MARCHF3: variants seen among roughly 807,000 people sequenced by gnomAD.
The protein encoded by MARCHF3 is E3 ubiquitin-protein ligase MARCHF3.
MARCHF3 carries 13 observed loss-of-function variants against 24.2 expected under a neutral mutation model. The ratio of observed to expected loss-of-function variants is 0.54; its 90% CI spans 0.35 to 0.85. The LOEUF is 0.85. Ranked by LOEUF, MARCHF3 falls within the 40% of genes least tolerant of loss-of-function variation. MARCHF3 has a pLI of 0.01. For synonymous variants in MARCHF3, 144 were observed against 137.3 expected, an observed-to-expected ratio of 1.05 and a Z score of -0.34; for missense variants, 276 against 325.0, an observed-to-expected ratio of 0.85 and a Z score of 1.16.
chr5:126,972,686 C>T (rs936308048), intron 1 of MARCHF3, among the ~76,000 whole-genome samples: 3 of 152,202 alleles, frequency 2.0e-5, no homozygotes, highest in Non-Finnish European at 4.4e-5. Context: ...TCTGCAGCTG[C>T]TGTCAAGAGC....
intron 1 of MARCHF3, among the ~76,000 whole-genome samples, chr5:126,995,875 C>T (rs1730426530): frequency 6.6e-6 from 1 of 152,174 alleles, no homozygotes. Context: ...GAATGGAAGG[C>T]AATGTGTGAT....
At chr5:126,934,640 T>A (rs1749583500) in intron 1 of MARCHF3, among the ~76,000 whole-genome samples, 1 of 151,356 alleles carries the variant, frequency 6.6e-6, no homozygotes, top group Admixed American at 6.6e-5. Flanking sequence ...TAAGTTGGTA[T>A]GGAGAATATT....
intron 1 of MARCHF3, among the ~76,000 whole-genome samples, chr5:126,983,084 C>G (rs889505141): frequency 2.6e-5 from 4 of 152,326 alleles, no homozygotes; most frequent in African/African-American, 9.6e-5. Flanking sequence ...CAGCTGTGCA[C>G]TCCTCTGTTG....
chr5:126,950,747 C>T (rs1190664642), intron 1 of MARCHF3, among the ~76,000 whole-genome samples: 2 of 152,184 alleles, frequency 1.3e-5, no homozygotes, highest in African/African-American at 4.8e-5. Flanking sequence ...CTCAAAAAAG[C>T]CCCTCTTTTA....
At chr5:126,917,296 G>A (rs2126794196) in intron 2 of MARCHF3, among the ~76,000 whole-genome samples, 1 of 152,312 alleles carries the variant, frequency 6.6e-6, no homozygotes, top group East Asian at 1.9e-4. Context: ...TCCAACAAGA[G>A]CACAAGAGGA....
chr5:126,911,907 A>G (rs1754545307), intron 3 of MARCHF3, among the ~76,000 whole-genome samples: 1 of 152,168 alleles, frequency 6.6e-6, no homozygotes, highest in Non-Finnish European at 1.5e-5. Context: ...TTTTTGAACA[A>G]TAACTTTTAG....
intron 1 of MARCHF3, among the ~76,000 whole-genome samples, chr5:127,023,139 G>T (rs1752866255): frequency 6.6e-6 from 1 of 152,150 alleles, no homozygotes; most frequent in South Asian, 2.1e-4. Flanking sequence ...TAAACAAAAG[G>T]AGATTTATAA....
intron 3 of MARCHF3, among the ~76,000 whole-genome samples, chr5:126,903,864 C>T (rs1754188471): frequency 1.3e-5 from 2 of 151,790 alleles, no homozygotes; most frequent in African/African-American, 2.4e-5. Flanking sequence ...GCACAATGGG[C>T]AGGTTAGTTA....
chr5:126,880,204 G>A (rs1164737839), intron 3 of MARCHF3, among the ~76,000 whole-genome samples: 1 of 152,140 alleles, frequency 6.6e-6, no homozygotes, highest in African/African-American at 2.4e-5. Context: ...ACCAAAGAAA[G>A]TTTTCTGGGA....
intron 1 of MARCHF3, among the ~76,000 whole-genome samples, chr5:127,023,094 C>T (rs1752864487): frequency 6.6e-6 from 1 of 152,142 alleles, no homozygotes; most frequent in South Asian, 2.1e-4. Context: ...GCCATCAGAC[C>T]ATGTGTTAAA....
intron 1 of MARCHF3, among the ~76,000 whole-genome samples, chr5:126,920,549 C>T (rs955943562): frequency 6.6e-6 from 1 of 152,126 alleles, no homozygotes; most frequent in Non-Finnish European, 1.5e-5. Context: ...AGTCTATTTT[C>T]GGGTTTTGCA....
intron 1 of MARCHF3, among the ~76,000 whole-genome samples, chr5:126,996,038 C>T (rs965022623): frequency 4.6e-5 from 7 of 152,198 alleles, no homozygotes; most frequent in African/African-American, 1.7e-4. Flanking sequence ...ATTTTGCACA[C>T]TTTTGAGTGC....
At chr5:126,942,615 T>C (rs1213508217) in intron 1 of MARCHF3, among the ~76,000 whole-genome samples, 2 of 152,230 alleles carry the variant, frequency 1.3e-5, no homozygotes, top group East Asian at 3.8e-4. Flanking sequence ...GGATAAGCCA[T>C]TCATATTAGA....
intron 1 of MARCHF3, among the ~76,000 whole-genome samples, chr5:126,996,306 G>A (rs564741902): frequency 2.0e-5 from 3 of 152,292 alleles, no homozygotes; most frequent in African/African-American, 7.2e-5. Context: ...CCAGTTATCT[G>A]ATTTGGCAAT....
intron 1 of MARCHF3, among the ~76,000 whole-genome samples, chr5:126,971,700 AT>A (rs1751020200): frequency 6.6e-6 from 1 of 152,196 alleles, no homozygotes; most frequent in African/African-American, 2.4e-5. Flanking sequence ...AAAGACAGTT[AT>A]CTTAGTGTCC....
At chr5:126,994,661 G>T (rs1354996508) in intron 1 of MARCHF3, among the ~76,000 whole-genome samples, 1 of 152,164 alleles carries the variant, frequency 6.6e-6, no homozygotes, top group Non-Finnish European at 1.5e-5. Flanking sequence ...ATTTAATCAG[G>T]GTTCTCTAGA....
chr5:127,001,224 C>T (rs553429249), intron 1 of MARCHF3, among the ~76,000 whole-genome samples: 1 of 150,320 alleles, frequency 6.7e-6, no homozygotes, highest in African/African-American at 2.4e-5. Flanking sequence ...GGTGACAGAG[C>T]GAGACTTCGT....
chr5:126,910,855 T>G (rs986953481), intron 3 of MARCHF3, among the ~76,000 whole-genome samples: 1 of 152,214 alleles, frequency 6.6e-6, no homozygotes, highest in Non-Finnish European at 1.5e-5. Flanking sequence ...AACAGAGCCA[T>G]ATTTCTCTTC....
intron 1 of MARCHF3, among the ~76,000 whole-genome samples, chr5:126,919,916 G>C (rs984814942): frequency 6.6e-6 from 1 of 152,210 alleles, no homozygotes. Flanking sequence ...GACCTGATGT[G>C]GGGGCACAGG....
Sources: allele counts gnomAD v4.1 joint callset (sites outside exome capture counted in the v4.1 genomes callset), GRCh38; gene constraint gnomAD v4.1.1; transcripts MANE v1.5; gene names NCBI Gene and HGNC (gene_info 2026-07-23, HGNC 2026-07-21).